Variants in LRRC8C observed in about 807,000 individuals in gnomAD.
The protein encoded by LRRC8C is volume-regulated anion channel subunit LRRC8C.
A neutral mutation model predicts 55.3 loss-of-function variants in LRRC8C; 20 were observed. That is an observed-to-expected ratio of 0.36 (90% CI 0.25 to 0.53). LRRC8C has a LOEUF of 0.53. LRRC8C is among the 20% of genes least tolerant of loss of function. The probability of loss-of-function intolerance (pLI) is 0.92; values close to 1 mark genes in which losing one functional copy is unlikely to be tolerated. For synonymous variants in LRRC8C, 376 were observed against 360.7 expected (o/e 1.04, Z -0.48); for missense variants, 659 against 951.4 (o/e 0.69, Z 4.04).
chr1:89,646,326 A>G (rs1480304836), intron 1 of LRRC8C, among the ~76,000 whole-genome samples: 1 of 152,156 alleles, frequency 6.6e-6, no homozygotes, highest in Non-Finnish European at 1.5e-5. Context: ...TGTGAAAACT[A>G]TATGCCAATA....
chr1:89,689,676 C>T (rs1657976259), intron 2 of LRRC8C, among the ~76,000 whole-genome samples: 1 of 151,962 alleles, frequency 6.6e-6, no homozygotes, highest in Non-Finnish European at 1.5e-5. Flanking sequence ...CATGGTGGCT[C>T]ACACCTGTAA....
chr1:89,675,211 A>C (rs1415560593), intron 1 of LRRC8C, among the ~76,000 whole-genome samples: 1 of 152,250 alleles, frequency 6.6e-6, no homozygotes. Context: ...AAAAACAAAA[A>C]CAAAAAACCT....
the LRRC8C span, among the ~76,000 whole-genome samples, chr1:89,620,697 G>A: frequency 6.6e-6 from 1 of 152,014 alleles, no homozygotes; most frequent in South Asian, 2.1e-4. Context: ...AATACTTCCA[G>A]TTAAAAAATG....
At chr1:89,710,332 A>G (rs566599092) in intron 2 of LRRC8C, among the ~76,000 whole-genome samples, 1 of 152,310 alleles carries the variant, frequency 6.6e-6, no homozygotes, top group African/African-American at 2.4e-5. Flanking sequence ...AGGGGTTTCC[A>G]AAGTATGGTG....
chr1:89,686,898 T>C (rs1657899362), intron 2 of LRRC8C, among the ~76,000 whole-genome samples: 1 of 152,216 alleles, frequency 6.6e-6, no homozygotes, highest in Non-Finnish European at 1.5e-5. Flanking sequence ...TCTTTCCAAA[T>C]TGGCTTCACA....
intron 1 of LRRC8C, among the ~76,000 whole-genome samples, chr1:89,683,429 C>T (rs975880820): frequency 6.7e-6 from 1 of 149,314 alleles, no homozygotes; most frequent in Non-Finnish European, 1.5e-5. Context: ...GCGATCTCGG[C>T]TCACTGCAAC....
intron 2 of LRRC8C, among the ~76,000 whole-genome samples, chr1:89,688,817 A>G (rs1657950812): frequency 6.6e-6 from 1 of 152,214 alleles, no homozygotes; most frequent in African/African-American, 2.4e-5. Context: ...TGGAAGAGTG[A>G]TAAATGCCTG....
intron 1 of LRRC8C, among the ~76,000 whole-genome samples, chr1:89,650,853 G>T (rs952981779): frequency 6.6e-6 from 1 of 152,134 alleles, no homozygotes; most frequent in African/African-American, 2.4e-5. Flanking sequence ...GAGGAGTCCT[G>T]TTTTAACTCC....
At chr1:89,623,697 G>A in the LRRC8C span, among the ~76,000 whole-genome samples, 33 of 152,222 alleles carry the variant, frequency 2.2e-4, no homozygotes, top group East Asian at 6.4e-3. Flanking sequence ...ACTCCAGCCT[G>A]GGCAACAGAG....
the LRRC8C span, among the ~76,000 whole-genome samples, chr1:89,622,032 A>C: frequency 6.6e-6 from 1 of 152,242 alleles, no homozygotes; most frequent in East Asian, 1.9e-4. Flanking sequence ...GAAGATAATT[A>C]GGTATGAAAC....
intron 2 of LRRC8C, among the ~76,000 whole-genome samples, chr1:89,695,133 G>T (rs192875389): frequency 5.9e-5 from 9 of 151,664 alleles, no homozygotes; most frequent in Non-Finnish European, 1.5e-5. Flanking sequence ...TGTTGGCCAG[G>T]CTGGTCTCAA....
chr1:89,713,714 C>A lies in LRRC8C; in HGVS notation c.1144C>A (p.Pro382Thr). 1.2e-6 allele frequency: 2 copies of A among 1,614,090 alleles called. No individual in the cohort carries two copies. Among genetic ancestry groups the A allele is most frequent in the Non-Finnish European group, 1.7e-6 (2 of 1,180,018 alleles). Residue 382 changes from proline (P) to threonine (T), a missense_variant, in exon 3 of 3, where the codon CCT becomes ACT. Pro to Thr is a conservative substitution (Grantham distance 38). This residue lies in a region of LRRC8C where 200 missense variants were observed against 360.5 expected (regional missense o/e 0.55). Coordinates refer to ENST00000370454, the MANE Select transcript of LRRC8C (RefSeq NM_032270.5). This position sits in a 1 kb window ranked among gnomAD's most constrained non-coding sequence, Gnocchi z 5.2. ...GCTTCATATGATAGATCAGTATGAC[C>A]CTCTCTATTCCAAGAGATTTGCAGT... ...FMLHMIDQYD[P>T]LYSKRFAVFL...
chr1:89,679,244 C>T (rs986396141), intron 1 of LRRC8C, among the ~76,000 whole-genome samples: 1 of 152,082 alleles, frequency 6.6e-6, no homozygotes, highest in Non-Finnish European at 1.5e-5. Context: ...ACATGAAGTG[C>T]TGCTCATAAA....
chr1:89,713,136 G>A lies in LRRC8C; in HGVS notation c.566G>A (p.Arg189Lys), dbSNP rs1314262177. ...SGEDSEEKDN[R>K]KNNMNRSNTI... ...GAGGACTCAGAAGAAAAGGACAACA[G>A]GAAGAACAACATGAACAGGTCCAAC... is the stretch of plus-strand genomic sequence containing the variant. The change falls in exon 3 of 3, where the codon AGG (arginine) becomes AAG (lysine). Residue 189 changes from arginine to lysine, a missense_variant. Around this residue, in one of 5 missense-constraint regions of LRRC8C, gnomAD observed 200 missense variants for 360.5 expected, o/e 0.55. Coordinates refer to ENST00000370454, the MANE Select transcript of LRRC8C (RefSeq NM_032270.5). This position sits in a 1 kb window ranked among gnomAD's most constrained non-coding sequence, Gnocchi z 5.2. 1 of 1,614,052 alleles carries A rather than the reference G, an allele frequency of 6.2e-7. No homozygotes were observed. The highest frequency in any genetic ancestry group is 8.5e-7 in the Non-Finnish European group (1 of 1,180,052).
chr1:89,669,127 T>C (rs1273785363), intron 1 of LRRC8C, among the ~76,000 whole-genome samples: 1 of 152,174 alleles, frequency 6.6e-6, no homozygotes, highest in Non-Finnish European at 1.5e-5. Flanking sequence ...AACAGGAAAT[T>C]CTGCAATATG....
chr1:89,688,555 AAAGACGTCC>A (rs1657942932), intron 2 of LRRC8C, among the ~76,000 whole-genome samples: 1 of 152,218 alleles, frequency 6.6e-6, no homozygotes, highest in South Asian at 2.1e-4. Flanking sequence ...CAAGGAATTA[AAAGACGTCC>A]AGGAGCAGGC....
In LRRC8C at chr1:89,678,713, A is replaced by AAC. The variant is rs1489123926; in HGVS notation, c.-4-7756_-4-7755dup. ...GAAATTCTGTCTAAAAAAAAAAAAAAACGAAAGGAAGAAACACAATAAATG... is the reference window on the plus strand; with the variant it reads ...GAAATTCTGTCTAAAAAAAAAAAAAAACACGAAAGGAAGAAACACAATAAATG... On this transcript the variant is annotated intron_variant, in intron 1 of 2. Coordinates refer to ENST00000370454, the MANE Select transcript of LRRC8C (RefSeq NM_032270.5). 1.8e-4 allele frequency among the ~76,000 whole-genome samples: 25 copies of AAC among 141,750 alleles called. 1 individual carries two copies. The highest frequency in any genetic ancestry group is 3.6e-3 in the Middle Eastern group (1 of 278). The allele number at this position is 141,750 out of a possible 152,430, so 93.0% of individuals were successfully genotyped here.
At chr1:89,706,444 T>G in intron 2 of LRRC8C, 1 of 432,756 alleles carries the variant, frequency 2.3e-6, no homozygotes, top group Non-Finnish European at 4.6e-6. Flanking sequence ...GGCAACTGCC[T>G]AAATAAGTGT....
At chr1:89,636,680 G>A (rs1292777300) in intron 1 of LRRC8C, among the ~76,000 whole-genome samples, 1 of 151,974 alleles carries the variant, frequency 6.6e-6, no homozygotes, top group Admixed American at 6.6e-5. Flanking sequence ...ACAAGGCTCA[G>A]CATAAAAGCT....
Sources: allele counts gnomAD v4.1 joint callset (sites outside exome capture counted in the v4.1 genomes callset), GRCh38; gene constraint gnomAD v4.1.1; regional missense constraint gnomAD v4.1.1; non-coding constraint Gnocchi (gnomAD v3.1); transcripts MANE v1.5; gene names NCBI Gene and HGNC (gene_info 2026-07-23, HGNC 2026-07-21).